BMP2K: variants seen among roughly 807,000 people sequenced by gnomAD.
The protein encoded by BMP2K is BMP2 inducible kinase, also known as BMP-2-inducible protein kinase.
Under a neutral mutation model 116.0 loss-of-function variants are expected in BMP2K, and 74 were observed. The observed-to-expected ratio is 0.64, with a 90% CI of 0.53 to 0.77. BMP2K has a LOEUF of 0.77. Among genes scored for constraint, BMP2K ranks in the 30% least tolerant of loss-of-function variants. The probability of loss-of-function intolerance (pLI) is 0.00; values close to 1 mark genes in which losing one functional copy is unlikely to be tolerated. For missense variants in BMP2K, 1,365 were observed against 1,403.6 expected, an observed-to-expected ratio of 0.97 and a Z score of 0.44; for synonymous variants, 486 against 502.5, an observed-to-expected ratio of 0.97 and a Z score of 0.44.
intron 15 of BMP2K, among the ~76,000 whole-genome samples, chr4:78,891,478 T>C (rs1280958498): frequency 6.6e-6 from 1 of 152,046 alleles, no homozygotes; most frequent in African/African-American, 2.4e-5. Context: ...TTTCTGGACT[T>C]TCTTCTTTTA....
At chr4:78,895,272 A>C (rs1733642726) in intron 15 of BMP2K, among the ~76,000 whole-genome samples, 1 of 152,206 alleles carries the variant, frequency 6.6e-6, no homozygotes, top group South Asian at 2.1e-4. Flanking sequence ...CTGGCACAAT[A>C]CAAAAACGTA....
Position 78,812,369 on chromosome 4 carries a change from AATGCC to A in BMP2K, c.179-13667_179-13663del, listed in dbSNP as rs576433474. ...TAAAAACTAAGCTACAAATAAGGAT[AATGCC>A]CAAATACATATCTCTTGTTTTTATC... On this transcript the variant is annotated intron_variant, in intron 1 of 15. Transcript: ENST00000502613. Among the ~76,000 whole-genome samples the A allele has an allele frequency of 2.0e-3, 311 of 152,316 alleles. 4 individuals are homozygous for A. Among genetic ancestry groups the A allele is most frequent in the Admixed American group, 0.018 (277 of 15,300 alleles).
Position 78,910,732 on chromosome 4 carries a change from G to A in BMP2K, c.2185G>A (p.Val729Ile), listed in dbSNP as rs1281768189. Residue 729 changes from valine (V) to isoleucine (I), a missense_variant, in exon 16 of 16, where the codon GTA (valine) becomes ATA (isoleucine). This residue lies in a region of BMP2K where 596 missense variants were observed against 623.2 expected (regional missense o/e 0.96). Coordinates refer to ENST00000502613, the MANE Select transcript of BMP2K (RefSeq NM_198892.2). ...TCAGCGGACTGGAAAGAAAACCTCA[G>A]TACAGGGTCAAGTGCAAAAGGGGAA... ...KDQRTGKKTSVQGQVQKGNDE... is the reference protein window; with the variant it reads ...KDQRTGKKTSIQGQVQKGNDE... 6.2e-7 allele frequency: 1 copy of A among 1,613,884 alleles called. No homozygotes were observed. The highest frequency in any genetic ancestry group is 2.2e-5 in the East Asian group (1 of 44,878).
At chr4:78,813,056 A>T (rs1340612162) in intron 1 of BMP2K, among the ~76,000 whole-genome samples, 1 of 152,088 alleles carries the variant, frequency 6.6e-6, no homozygotes, top group Non-Finnish European at 1.5e-5. Flanking sequence ...AAGGAAAAAA[A>T]AAAAGATATG....
chr4:78,876,896 A>T (rs1216592900), intron 13 of BMP2K, among the ~76,000 whole-genome samples: 1 of 152,192 alleles, frequency 6.6e-6, no homozygotes, highest in Non-Finnish European at 1.5e-5. Context: ...CCTACTACAC[A>T]TCTAGGCTTT....
At chr4:78,831,941 G>C (rs1247167614) in intron 2 of BMP2K, among the ~76,000 whole-genome samples, 1 of 151,944 alleles carries the variant, frequency 6.6e-6, no homozygotes, top group Non-Finnish European at 1.5e-5. Context: ...TTACACACAA[G>C]CACAGACACA....
chr4:78,800,332 A>G (rs140150938), intron 1 of BMP2K, among the ~76,000 whole-genome samples: 21 of 152,330 alleles, frequency 1.4e-4, no homozygotes, highest in Admixed American at 2.6e-4. Context: ...AAGTGCATGC[A>G]TAAGCATCAA....
intron 15 of BMP2K, among the ~76,000 whole-genome samples, chr4:78,894,025 T>A (rs946890558): frequency 6.6e-6 from 1 of 152,132 alleles, no homozygotes; most frequent in Non-Finnish European, 1.5e-5. Context: ...AAAGGAATCT[T>A]CTTTTCTGAG....
At chr4:78,858,253 G>A (rs1731598608) in intron 7 of BMP2K, among the ~76,000 whole-genome samples, 1 of 151,892 alleles carries the variant, frequency 6.6e-6, no homozygotes, top group Admixed American at 6.6e-5. Context: ...TTTGTGTACT[G>A]TTGTTACGTT....
chr4:78,889,195 T>C (rs912963421), intron 15 of BMP2K, among the ~76,000 whole-genome samples: 1 of 123,732 alleles, frequency 8.1e-6, no homozygotes, highest in African/African-American at 3.3e-5. Context: ...CACTCCAACC[T>C]GGGCGATAGA....
chr4:78,861,958 A>T (rs1380490217), intron 9 of BMP2K, among the ~76,000 whole-genome samples: 2 of 151,978 alleles, frequency 1.3e-5, no homozygotes, highest in Non-Finnish European at 2.9e-5. Flanking sequence ...AGTATTTATT[A>T]TATTAATAAT....
In BMP2K at chr4:78,838,509, T is replaced by C. The variant is rs1252129112; in HGVS notation, c.404-3876T>C. On this transcript the variant is annotated intron_variant, in intron 3 of 15. Transcript: ENST00000502613. ...TCAATGGAGTATGCATGATATCTTT[T>C]CTCAGATGAATCAATTAGATAAGTT... Among the ~76,000 whole-genome samples, 5 of 152,220 alleles carry C rather than the reference T, an allele frequency of 3.3e-5. No individual in the cohort carries two copies. In the South Asian group the frequency reaches 6.2e-4, roughly 19 times the overall value.
rs1377667999 is a variant in BMP2K at position 78,916,116 on chromosome 4, T to C, written c.*4083T>C. ...AGTAACTTCAGTCCTCAAATATAGC[T>C]GGGAAACAATTATGAGATAGACTCA... On this transcript the variant is annotated 3_prime_UTR_variant, in exon 16 of 16. Coordinates refer to ENST00000502613, the MANE Select transcript of BMP2K (RefSeq NM_198892.2). 1 of 151,896 alleles carries C rather than the reference T, an allele frequency of 6.6e-6. No individual in the cohort carries two copies. The highest frequency in any genetic ancestry group is 1.5e-5 in the Non-Finnish European group (1 of 67,836). 9.4% of individuals were successfully genotyped at this position (151,896 alleles called of 1,614,324 possible).
At chr4:78,812,495 G>A (rs542796814) in intron 1 of BMP2K, among the ~76,000 whole-genome samples, 1 of 152,260 alleles carries the variant, frequency 6.6e-6, no homozygotes, top group African/African-American at 2.4e-5. Context: ...GTCCAAAACT[G>A]TGCTGTTGAT....
rs116537944 is a variant in BMP2K at position 78,831,737 on chromosome 4, A to G, written c.298-1845A>G. 4.5e-3 allele frequency among the ~76,000 whole-genome samples: 681 copies of G among 152,374 alleles called. 2 individuals carry two copies. Among genetic ancestry groups the G allele is most frequent in the African/African-American group, 0.015 (644 of 41,582 alleles). The stretch of plus-strand genomic sequence containing the variant: ...AAAGTGAAAAATATTTTAATAGGCC[A>G]GTAAAAACTTCAGTGACTCTAACTT... On this transcript the variant is annotated intron_variant, in intron 2 of 15. Transcript: ENST00000502613.
intron 15 of BMP2K, among the ~76,000 whole-genome samples, chr4:78,907,167 CTG>C (rs1376190432): frequency 6.6e-6 from 1 of 152,068 alleles, no homozygotes; most frequent in African/African-American, 2.4e-5. Context: ...AAATAATAGA[CTG>C]TTGATACCTG....
chr4:78,784,147 G>A (rs1727630318), intron 1 of BMP2K, among the ~76,000 whole-genome samples: 1 of 152,040 alleles, frequency 6.6e-6, no homozygotes, highest in Non-Finnish European at 1.5e-5. Flanking sequence ...TATTATCTTG[G>A]TTTTCTTTCA....
chr4:78,841,758 T>C (rs569969436), intron 3 of BMP2K, among the ~76,000 whole-genome samples: 10 of 152,094 alleles, frequency 6.6e-5, no homozygotes, highest in Non-Finnish European at 1.0e-4. Flanking sequence ...TTCAGAGTCA[T>C]CAATTCTTTT....
intron 3 of BMP2K, among the ~76,000 whole-genome samples, chr4:78,840,064 A>C (rs1020717032): frequency 2.6e-5 from 4 of 152,246 alleles, no homozygotes; most frequent in Middle Eastern, 3.4e-3. Context: ...ATTTAAATGG[A>C]GTAATAGGTT....
Sources: allele counts gnomAD v4.1 joint callset (sites outside exome capture counted in the v4.1 genomes callset), GRCh38; gene constraint gnomAD v4.1.1; regional missense constraint gnomAD v4.1.1; transcripts MANE v1.5; gene names NCBI Gene and HGNC (gene_info 2026-07-23, HGNC 2026-07-21).